Variants in TTC7B observed in about 807,000 individuals in gnomAD.
TTC7B encodes tetratricopeptide repeat protein 7B.
Under a neutral mutation model 106.8 loss-of-function variants are expected in TTC7B, and 28 were observed. The observed-to-expected ratio is 0.26, with a 90% CI of 0.19 to 0.36. The LOEUF (loss-of-function observed/expected upper bound fraction) is 0.36, where lower values mean the gene tolerates loss of function less well. Among genes scored for constraint, TTC7B ranks in the 10% least tolerant of loss-of-function variants. TTC7B has a pLI of 1.00. For synonymous variants in TTC7B, 405 were observed against 430.6 expected (o/e 0.94, Z 0.74); for missense variants, 862 against 1,076.4 (o/e 0.80, Z 2.79).
At chr14:90,648,980 A>G (rs1301293000) in intron 13 of TTC7B, 5 of 152,248 alleles carry the variant, frequency 3.3e-5, no homozygotes, top group Non-Finnish European at 7.3e-5. Context: ...ATACCAACCA[A>G]CTGAAAAGCT....
Position 90,701,603 on chromosome 14 carries a change from G to C in TTC7B, c.699-6025C>G, listed in dbSNP as rs115494957. 3.1e-3 allele frequency among the ~76,000 whole-genome samples: 471 copies of C among 152,012 alleles called. 4 individuals are homozygous for C. Among genetic ancestry groups the C allele is most frequent in the African/African-American group, 0.011 (455 of 41,438 alleles). On this transcript the variant is annotated intron_variant, in intron 5 of 19. Coordinates refer to ENST00000328459, the MANE Select transcript of TTC7B (RefSeq NM_001010854.2). ...GCTCCGAGTCTCTGAGAAACAGGAA[G>C]TGTAGAAAGCCTTGCCCCATCTCAC...
rs560137866 is a variant in TTC7B, at chr14:90,608,721, G to A, written c.1966+2021C>T. On this transcript the variant is annotated intron_variant, in intron 17 of 19. Coordinates refer to ENST00000328459, the MANE Select transcript of TTC7B (RefSeq NM_001010854.2). This position sits in a 1 kb window ranked among gnomAD's most constrained non-coding sequence, Gnocchi z 5.1. ...TCTGAGAAAGCTGAATCTGAAGAGG[G>A]AGACTCTCAAGCACTCTAGGAAAAA... Among the ~76,000 whole-genome samples the A allele has an allele frequency of 6.6e-6, 1 of 152,318 alleles. No individual in the cohort carries two copies. Among genetic ancestry groups the A allele is most frequent in the African/African-American group, 2.4e-5 (1 of 41,580 alleles).
rs200947367 is a variant in TTC7B at position 90,743,367 on chromosome 14, G to GA, written c.576+1424dup. Among the ~76,000 whole-genome samples, 153 of 152,104 alleles carry GA rather than the reference G, an allele frequency of 1.0e-3. No homozygotes were observed. The East Asian group carries it at 0.022, about 22-fold the overall frequency. On this transcript the variant is annotated intron_variant, in intron 4 of 19. Coordinates refer to ENST00000328459, the MANE Select transcript of TTC7B (RefSeq NM_001010854.2). ...ACCAACACATGACAATATGATTTATGAAAAAAAGTTACTTCCTGTCTGTTC... is the reference window on the plus strand; with the variant it reads ...ACCAACACATGACAATATGATTTATGAAAAAAAAGTTACTTCCTGTCTGTTC...
At chr14:90,593,658 G>T in intron 17 of TTC7B, 32 bp from the exon 18 acceptor site, 2 of 1,549,776 alleles carry the variant, frequency 1.3e-6, no homozygotes, top group Non-Finnish European at 1.7e-6. Flanking sequence ...ACTCTATCAG[G>T]AGCGAAAGAA....
At chr14:90,723,233 A>T (rs1023989078) in intron 5 of TTC7B, among the ~76,000 whole-genome samples, 4 of 152,120 alleles carry the variant, frequency 2.6e-5, no homozygotes, top group Admixed American at 6.5e-5. Context: ...CTGTCCCCCA[A>T]ATCCAATCCA....
chr14:90,658,776 G>T (rs1378006113), intron 9 of TTC7B, among the ~76,000 whole-genome samples: 1 of 152,248 alleles, frequency 6.6e-6, no homozygotes, highest in Non-Finnish European at 1.5e-5. Context: ...TAGAAACTGA[G>T]CTGGGCCTTC....
intron 17 of TTC7B, among the ~76,000 whole-genome samples, chr14:90,606,439 A>G (rs1350972753): frequency 6.6e-6 from 1 of 152,238 alleles, no homozygotes; most frequent in Non-Finnish European, 1.5e-5. Context: ...TTTGCGTTGG[A>G]TAGGTATTTG....
chr14:90,641,999 T>C (rs1885200621), intron 15 of TTC7B, among the ~76,000 whole-genome samples: 1 of 151,768 alleles, frequency 6.6e-6, no homozygotes, highest in African/African-American at 2.4e-5. Context: ...TTATAAATAT[T>C]GATGAGAGAC....
chr14:90,541,389 G>A lies in TTC7B; in HGVS notation c.2511C>T (p.Thr837=). 2.5e-6 allele frequency: 4 copies of A among 1,611,018 alleles called. No individual in the cohort carries two copies. Among genetic ancestry groups the A allele is most frequent in the Non-Finnish European group, 3.4e-6 (4 of 1,178,674 alleles). ...CTGCTCAGAGCACGCGGGGGATGATGGTGAAGGGCACGGCGGGGCTGCTGG... is the reference window on the plus strand; with the variant it reads ...CTGCTCAGAGCACGCGGGGGATGATAGTGAAGGGCACGGCGGGGCTGCTGG... The part of the protein sequence containing the change: ...LEASSPAVPF[T]IIPRVL Residue 837 remains threonine (T), a synonymous_variant, in exon 20 of 20, where the codon ACC becomes ACT. Transcript: ENST00000328459.
intron 5 of TTC7B, among the ~76,000 whole-genome samples, chr14:90,711,312 G>C (rs1043798998): frequency 6.4e-4 from 97 of 152,242 alleles, no homozygotes; most frequent in Non-Finnish European, 1.2e-3. Flanking sequence ...AAAGAAGACG[G>C]GGGAAATGAA....
intron 1 of TTC7B, among the ~76,000 whole-genome samples, chr14:90,792,396 C>G (rs10130014): frequency 0.72 from 108,486 of 151,722 alleles, 42,384 homozygotes; most frequent in Non-Finnish European, 0.87. Context: ...GGCCAATATG[C>G]AGAAACCCTG....
intron 1 of TTC7B, among the ~76,000 whole-genome samples, chr14:90,788,291 C>A (rs1038351385): frequency 3.3e-5 from 5 of 152,178 alleles, no homozygotes; most frequent in Non-Finnish European, 5.9e-5. Flanking sequence ...AGACACCAGC[C>A]AGGCACCAAG....
Position 90,578,210 on chromosome 14 carries a change from G to C in TTC7B, c.2206C>G (p.Arg736Gly), listed in dbSNP as rs775846638. 2 of 1,614,220 alleles carry C rather than the reference G, an allele frequency of 1.2e-6. No individual in the cohort carries two copies. Among genetic ancestry groups the C allele is most frequent in the South Asian group, 1.1e-5 (1 of 91,076 alleles). Residue 736 changes from arginine (R) to glycine (G), a missense_variant, in exon 19 of 20, where the codon CGC (arginine) becomes GGC (glycine). Physicochemically the swap from Arg to Gly is moderately radical, Grantham distance 125 (BLOSUM62 -2). Coordinates refer to ENST00000328459, the MANE Select transcript of TTC7B (RefSeq NM_001010854.2). The surrounding 1 kb of genome is among the most constrained non-coding windows in gnomAD (Gnocchi z 4.7). ...FPMSHNVLYM[R>G]GQIAELRGSM... is the part of the protein sequence containing the mutation. The stretch of plus-strand genomic sequence containing the variant: ...CCCCGGAGCTCAGCAATCTGGCCGC[G>C]CATGTAGAGGACATTGTGGGACATT...
chr14:90,752,538 G>A (rs1890168570), intron 3 of TTC7B, among the ~76,000 whole-genome samples: 1 of 152,210 alleles, frequency 6.6e-6, no homozygotes. Flanking sequence ...TTTCAGGTCT[G>A]TCTAGATTTG....
chr14:90,801,122 G>A (rs1254847138), intron 1 of TTC7B, among the ~76,000 whole-genome samples: 1 of 151,482 alleles, frequency 6.6e-6, no homozygotes, highest in Non-Finnish European at 1.5e-5. Flanking sequence ...CTACAGGGGA[G>A]GCTGAGGCAA....
At chr14:90,708,075 G>A (rs1888283287) in intron 5 of TTC7B, among the ~76,000 whole-genome samples, 1 of 151,050 alleles carries the variant, frequency 6.6e-6, no homozygotes, top group African/African-American at 2.4e-5. Flanking sequence ...GAACCCAGGA[G>A]GTGGAGGTTG....
At chr14:90,785,529 A>G (rs182897717) in intron 2 of TTC7B, among the ~76,000 whole-genome samples, 4 of 152,018 alleles carry the variant, frequency 2.6e-5, no homozygotes, top group Non-Finnish European at 5.9e-5. Context: ...AGAGGAGATG[A>G]CCCCCATGAA....
intron 5 of TTC7B, among the ~76,000 whole-genome samples, chr14:90,701,796 G>GTATATATA (rs138397501): frequency 1.1e-3 from 128 of 118,930 alleles, no homozygotes; most frequent in Admixed American, 1.6e-3. Flanking sequence ...GTGTGTGTGT[G>GTATATATA]TATATATATA....
rs763947745 is a variant in TTC7B at position 90,526,393 on chromosome 14, G to A, written c.*14975C>T. 1 of 152,160 alleles carries A rather than the reference G, an allele frequency of 6.6e-6. No homozygotes were observed. Among genetic ancestry groups the A allele is most frequent in the Non-Finnish European group, 1.5e-5 (1 of 68,040 alleles). The allele number at this position is 152,160 out of a possible 1,614,324, so 9.4% of individuals were successfully genotyped here. On this transcript the variant is annotated 3_prime_UTR_variant, in exon 20 of 20. Coordinates refer to ENST00000328459, the MANE Select transcript of TTC7B (RefSeq NM_001010854.2). ...CTGAAAAGTTTCAGAGATAACACAG[G>A]GAATTCCCATTTACCCTTCACTCAA...
Sources: allele counts gnomAD v4.1 joint callset (sites outside exome capture counted in the v4.1 genomes callset), GRCh38; gene constraint gnomAD v4.1.1; non-coding constraint Gnocchi (gnomAD v3.1); transcripts MANE v1.5; gene names NCBI Gene and HGNC (gene_info 2026-07-23, HGNC 2026-07-21).